NOL4: variants seen among roughly 807,000 people sequenced by gnomAD.
The protein encoded by NOL4 is nucleolar protein 4.
In NOL4, 17 loss-of-function variants were observed where a neutral mutation model predicts 75.9. The observed-to-expected ratio is 0.22, with a 90% confidence interval of 0.15 to 0.34. NOL4 has a LOEUF of 0.34. Among genes scored for constraint, NOL4 ranks in the 10% least tolerant of loss-of-function variants. The probability of loss-of-function intolerance (pLI) is 1.00; values close to 1 mark genes in which losing one functional copy is unlikely to be tolerated. For synonymous variants in NOL4, 292 were observed against 289.9 expected, an observed-to-expected ratio of 1.01 and a Z score of -0.07; for missense variants, 614 against 793.5, an observed-to-expected ratio of 0.77 and a Z score of 2.72.
At chr18:34,047,153 T>C (rs2076416244) in intron 5 of NOL4, among the ~76,000 whole-genome samples, 1 of 152,152 alleles carries the variant, frequency 6.6e-6, no homozygotes, top group Non-Finnish European at 1.5e-5. Flanking sequence ...CAATGGTCTC[T>C]TCTAGCATTA....
chr18:33,853,068 A>G, intron 10 of NOL4, 33 bp from the exon 11 acceptor site: 1 of 1,546,172 alleles, frequency 6.5e-7, no homozygotes, highest in Non-Finnish European at 8.8e-7. Context: ...ATTAGACATA[A>G]ATATTATTTG....
At chr18:33,966,071 A>G (rs2070558429) in intron 6 of NOL4, among the ~76,000 whole-genome samples, 2 of 152,130 alleles carry the variant, frequency 1.3e-5, no homozygotes, top group African/African-American at 4.8e-5. Context: ...GACTATTTCT[A>G]TATTAACTTA....
chr18:34,041,524 C>A (rs749038280), intron 5 of NOL4, among the ~76,000 whole-genome samples: 9 of 147,702 alleles, frequency 6.1e-5, no homozygotes, highest in Non-Finnish European at 1.0e-4. Context: ...AAAAAAAAAG[C>A]CACTTCGTTA....
chr18:34,067,692 C>G (rs941970332), intron 5 of NOL4, among the ~76,000 whole-genome samples: 2 of 152,046 alleles, frequency 1.3e-5, no homozygotes, highest in African/African-American at 2.4e-5. Context: ...GTCTTTTGGT[C>G]GGAGCATCTG....
chr18:34,221,905 A>G, intron 1 of NOL4: 2 of 786,482 alleles, frequency 2.5e-6, no homozygotes, highest in Non-Finnish European at 4.0e-6. Context: ...ACCGGGAAAC[A>G]GTTGCCAGTA....
In NOL4 at chr18:33,876,393, G is replaced by T. The variant is rs1456951838; in HGVS notation, c.1723+6851C>A. The stretch of plus-strand genomic sequence containing the variant: ...ATTTTATAAATTAAATCATATGTAA[G>T]GTTAGTTCTACTTGATCTCTTAGAA... On this transcript the variant is annotated intron_variant, in intron 10 of 10. Coordinates refer to ENST00000261592, the MANE Select transcript of NOL4 (RefSeq NM_003787.5). Among the ~76,000 whole-genome samples the T allele has an allele frequency of 2.0e-5, 3 of 151,914 alleles. No homozygotes were observed. The East Asian group carries it at 5.8e-4, about 29-fold the overall frequency.
At chr18:34,012,339 T>A (rs1219126711) in intron 6 of NOL4, among the ~76,000 whole-genome samples, 1 of 151,868 alleles carries the variant, frequency 6.6e-6, no homozygotes, top group East Asian at 1.9e-4. Context: ...AAATTTAGAT[T>A]GCAATATGAC....
At chr18:34,094,044 A>AC (rs1416293188) in intron 4 of NOL4, among the ~76,000 whole-genome samples, 1 of 152,174 alleles carries the variant, frequency 6.6e-6, no homozygotes, top group African/African-American at 2.4e-5. Context: ...TCGTCTCAAA[A>AC]AAACAAACAA....
At chr18:34,067,304 T>C (rs899561712) in intron 5 of NOL4, among the ~76,000 whole-genome samples, 7 of 152,150 alleles carry the variant, frequency 4.6e-5, no homozygotes, top group African/African-American at 1.4e-4. Context: ...ATTCCTGGCA[T>C]GTTTGAGGAG....
At chr18:33,871,036 G>A (rs961646742) in intron 10 of NOL4, among the ~76,000 whole-genome samples, 5 of 152,020 alleles carry the variant, frequency 3.3e-5, no homozygotes, top group Non-Finnish European at 7.4e-5. Context: ...ACATTCAAAT[G>A]TATCTACTTC....
At chr18:34,002,732 A>T (rs1397554977) in intron 6 of NOL4, among the ~76,000 whole-genome samples, 9 of 152,114 alleles carry the variant, frequency 5.9e-5, no homozygotes, top group African/African-American at 2.2e-4. Context: ...AAAAATCTCC[A>T]ATCTAAATGT....
intron 9 of NOL4, among the ~76,000 whole-genome samples, chr18:33,918,002 T>C (rs7234929): frequency 0.38 from 57,128 of 152,062 alleles, 10,893 homozygotes; most frequent in South Asian, 0.48. Flanking sequence ...TTGTTGTCAT[T>C]GTACAAACAT....
intron 10 of NOL4, among the ~76,000 whole-genome samples, chr18:33,875,794 G>A (rs1480571768): frequency 6.6e-6 from 1 of 151,930 alleles, no homozygotes; most frequent in Non-Finnish European, 1.5e-5. Context: ...CTTGCTATAT[G>A]TCTGACCTTA....
chr18:34,036,514 A>T (rs960967361), intron 5 of NOL4, among the ~76,000 whole-genome samples: 1 of 152,230 alleles, frequency 6.6e-6, no homozygotes, highest in Non-Finnish European at 1.5e-5. Flanking sequence ...ACTGAATGGG[A>T]AAGGTTGAAA....
intron 9 of NOL4, among the ~76,000 whole-genome samples, chr18:33,936,888 C>A (rs568505947): frequency 2.0e-5 from 3 of 152,058 alleles, no homozygotes; most frequent in Non-Finnish European, 4.4e-5. Context: ...GTAACTGGTT[C>A]TAATCCCTCT....
intron 6 of NOL4, among the ~76,000 whole-genome samples, chr18:33,992,834 G>A (rs925654676): frequency 2.0e-5 from 3 of 151,982 alleles, no homozygotes; most frequent in Non-Finnish European, 4.4e-5. Context: ...AGAGAAGTAC[G>A]TCATTGTCCT....
chr18:34,084,928 T>C (rs895623375), intron 5 of NOL4, among the ~76,000 whole-genome samples: 2 of 152,182 alleles, frequency 1.3e-5, no homozygotes, highest in Admixed American at 1.3e-4. Flanking sequence ...AAAGAAGTAG[T>C]AGCTAGCTGA....
At chr18:34,076,884 T>TA (rs1174103993) in intron 5 of NOL4, among the ~76,000 whole-genome samples, 1 of 152,196 alleles carries the variant, frequency 6.6e-6, no homozygotes, top group African/African-American at 2.4e-5. Flanking sequence ...ACATGACTGA[T>TA]AAACATGAGT....
chr18:33,852,712 A>G lies in NOL4; in HGVS notation c.*130T>C. On this transcript the variant is annotated 3_prime_UTR_variant, in exon 11 of 11. Coordinates refer to ENST00000261592, the MANE Select transcript of NOL4 (RefSeq NM_003787.5). ...ACACATCACTTACGGATCAAGGACAATGTGGCATAATGGAAGTATTTCTCT... is the reference window on the plus strand; with the variant it reads ...ACACATCACTTACGGATCAAGGACAGTGTGGCATAATGGAAGTATTTCTCT... 1.3e-6 allele frequency: 1 copy of G among 786,302 alleles called. No individual in the cohort carries two copies. The allele number at this position is 786,302 out of a possible 1,614,324, so 48.7% of individuals were successfully genotyped here.
Sources: gnomAD v4.1 joint callset for allele counts (sites outside exome capture counted in the v4.1 genomes callset) on GRCh38, gnomAD v4.1.1 for gene constraint, MANE v1.5 for transcripts, NCBI Gene and HGNC (gene_info 2026-07-23, HGNC 2026-07-21) for gene names.